Variants in PARD3B observed in about 807,000 individuals in gnomAD.
The protein encoded by PARD3B is partitioning defective 3 homolog B.
In PARD3B, 103 loss-of-function variants were observed where a neutral mutation model predicts 130.2. That is an observed-to-expected ratio of 0.79 (90% CI 0.67 to 0.93). PARD3B has a LOEUF of 0.93. Ranked by LOEUF, PARD3B falls within the 40% of genes least tolerant of loss-of-function variation. The pLI is 0.00. For synonymous variants in PARD3B, 583 were observed against 553.2 expected, an observed-to-expected ratio of 1.05 and a Z score of -0.76; for missense variants, 1,609 against 1,499.2, an observed-to-expected ratio of 1.07 and a Z score of -1.21.
intron 1 of PARD3B, among the ~76,000 whole-genome samples, chr2:204,571,518 A>C (rs573064597): frequency 6.6e-6 from 1 of 152,222 alleles, no homozygotes; most frequent in Non-Finnish European, 1.5e-5. Flanking sequence ...CTGAGCTCTA[A>C]GTTTCTCATA....
chr2:204,990,782 A>G (rs2125240048), intron 3 of PARD3B, among the ~76,000 whole-genome samples: 1 of 152,228 alleles, frequency 6.6e-6, no homozygotes, highest in Non-Finnish European at 1.5e-5. Flanking sequence ...TATTTAAGAA[A>G]TCTTTCCCTA....
chr2:205,386,158 A>G (rs1424852334), intron 18 of PARD3B, among the ~76,000 whole-genome samples: 2 of 152,148 alleles, frequency 1.3e-5, no homozygotes, highest in Admixed American at 6.5e-5. Context: ...GTTACTGTTA[A>G]TCCACATATG....
At chr2:205,514,833 CTTTT>C (rs5837976) in intron 21 of PARD3B, among the ~76,000 whole-genome samples, 2 of 136,066 alleles carry the variant, frequency 1.5e-5, no homozygotes, top group African/African-American at 2.7e-5. Context: ...TCTTACAGTT[CTTTT>C]TTTTTTTTTT....
intron 2 of PARD3B, among the ~76,000 whole-genome samples, chr2:204,784,366 A>G (rs2041937898): frequency 6.6e-6 from 1 of 151,810 alleles, no homozygotes. Context: ...CGAGGGCTAT[A>G]TTTTTGTTCG....
At chr2:205,594,169 T>C (rs1288730089) in intron 22 of PARD3B, among the ~76,000 whole-genome samples, 1 of 152,192 alleles carries the variant, frequency 6.6e-6, no homozygotes. Context: ...AATGCCTTCA[T>C]TTTACAGAGT....
At chr2:205,067,496 C>T (rs1034366091) in intron 4 of PARD3B, among the ~76,000 whole-genome samples, 1 of 152,008 alleles carries the variant, frequency 6.6e-6, no homozygotes, top group African/African-American at 2.4e-5. Flanking sequence ...ATTTGTGTTA[C>T]AGATAAATTT....
intron 1 of PARD3B, among the ~76,000 whole-genome samples, chr2:204,680,626 T>A: frequency 6.6e-6 from 1 of 152,094 alleles, no homozygotes; most frequent in East Asian, 1.9e-4. Flanking sequence ...TTTTTTTACT[T>A]GTTAATATGT....
chr2:204,652,494 A>G (rs546876179), intron 1 of PARD3B, among the ~76,000 whole-genome samples: 2 of 152,210 alleles, frequency 1.3e-5, no homozygotes, highest in African/African-American at 4.8e-5. Flanking sequence ...TTCATTGTCC[A>G]TATCACTAGC....
At chr2:204,775,311 G>A (rs2041571545) in intron 2 of PARD3B, among the ~76,000 whole-genome samples, 1 of 152,122 alleles carries the variant, frequency 6.6e-6, no homozygotes, top group African/African-American at 2.4e-5. Context: ...TCTTTTCAAT[G>A]AAGTCTGTTA....
intron 1 of PARD3B, among the ~76,000 whole-genome samples, chr2:204,635,939 A>G (rs1410384492): frequency 6.6e-6 from 1 of 151,994 alleles, no homozygotes; most frequent in Non-Finnish European, 1.5e-5. Context: ...TGTAAGGCAT[A>G]TTTGTCTTTT....
chr2:204,873,499 C>T (rs182485336), intron 2 of PARD3B, among the ~76,000 whole-genome samples: 52 of 152,162 alleles, frequency 3.4e-4, no homozygotes, highest in Admixed American at 1.4e-3. Context: ...TTCCTAAGCA[C>T]GTATTTTGTG....
rs2036406017 is a variant in PARD3B at position 204,673,601 on chromosome 2, A to G, written c.121-12580A>G. On this transcript the variant is annotated intron_variant, in intron 1 of 22. Transcript: ENST00000406610. The surrounding 1 kb of genome is among the most constrained non-coding windows in gnomAD (Gnocchi z 4.7). ...CCTGGCTCCCCACCTCCAGTCTGCC[A>G]CTGACTTGCCTCAAGTCTGTGCTCA... is the stretch of plus-strand genomic sequence containing the variant. 6.6e-6 allele frequency among the ~76,000 whole-genome samples: 1 copy of G among 152,214 alleles called. No homozygotes were observed. The highest frequency in any genetic ancestry group is 6.5e-5 in the Admixed American group (1 of 15,280).
At chr2:205,100,172 G>A (rs918880299) in intron 4 of PARD3B, among the ~76,000 whole-genome samples, 5 of 152,068 alleles carry the variant, frequency 3.3e-5, no homozygotes, top group Non-Finnish European at 5.9e-5. Flanking sequence ...GAGCCAGAAA[G>A]TATGTTATTT....
intron 15 of PARD3B, among the ~76,000 whole-genome samples, chr2:205,213,545 A>G (rs1279866482): frequency 6.6e-6 from 1 of 152,182 alleles, no homozygotes; most frequent in East Asian, 1.9e-4. Flanking sequence ...GATTTGGCTC[A>G]TCTTACTATC....
rs374676828 is a variant in PARD3B, at chr2:204,579,116, A to AATCATCATCATC, written c.120+33020_120+33031dup. Among the ~76,000 whole-genome samples, 82 of 150,806 alleles carry AATCATCATCATC rather than the reference A, an allele frequency of 5.4e-4. 1 individual carries two copies. Among genetic ancestry groups the AATCATCATCATC allele is most frequent in the East Asian group, 3.3e-3 (17 of 5,088 alleles). On this transcript the variant is annotated intron_variant, in intron 1 of 22. Transcript: ENST00000406610. The stretch of plus-strand genomic sequence containing the variant: ...GGCTGGGGGCGGGGATATGAAAGGA[A>AATCATCATCATC]ATCATCATCATCATCATCATCATCA...
intron 1 of PARD3B, among the ~76,000 whole-genome samples, chr2:204,550,089 C>G (rs979558231): frequency 2.0e-5 from 3 of 152,154 alleles, no homozygotes; most frequent in Non-Finnish European, 4.4e-5. Context: ...ACAGTTGTCC[C>G]TTAGTATCCA....
intron 3 of PARD3B, among the ~76,000 whole-genome samples, chr2:204,999,252 C>A (rs1342244592): frequency 6.6e-6 from 1 of 151,990 alleles, no homozygotes; most frequent in Non-Finnish European, 1.5e-5. Context: ...TCATCATTTA[C>A]CTCATTGCTA....
intron 14 of PARD3B, among the ~76,000 whole-genome samples, chr2:205,186,148 A>G (rs1285065326): frequency 6.6e-6 from 1 of 152,180 alleles, no homozygotes; most frequent in African/African-American, 2.4e-5. Context: ...AACTAGAGCC[A>G]TGGAGCTCAA....
At position 205,296,996 on chromosome 2, in the gene PARD3B, C is replaced by A. The variant is rs114650669; in HGVS notation, c.2186-3534C>A. ...TTGAGAATAATTTTTATGTGAGATC[C>A]TTCTTTTAGCACCCTTGATAATTGT... On this transcript the variant is annotated intron_variant, in intron 16 of 22. Coordinates refer to ENST00000406610, the MANE Select transcript of PARD3B (RefSeq NM_001302769.2). Among the ~76,000 whole-genome samples, 1,386 of 151,492 alleles carry A rather than the reference C, an allele frequency of 9.1e-3. 17 individuals carry two copies. Among genetic ancestry groups the A allele is most frequent in the African/African-American group, 0.032 (1,326 of 41,272 alleles).
Sources: allele counts gnomAD v4.1 joint callset (sites outside exome capture counted in the v4.1 genomes callset), GRCh38; gene constraint gnomAD v4.1.1; non-coding constraint Gnocchi (gnomAD v3.1); transcripts MANE v1.5; gene names NCBI Gene and HGNC (gene_info 2026-07-23, HGNC 2026-07-21).